Variants in HDHD5 observed in about 807,000 individuals in gnomAD.
HDHD5 encodes the protein haloacid dehalogenase like hydrolase domain containing 5, also known as haloacid dehalogenase-like hydrolase domain-containing 5.
HDHD5 carries 34 observed loss-of-function variants against 35.5 expected under a neutral mutation model. That is an observed-to-expected ratio of 0.96 (90% CI 0.73 to 1.28). The LOEUF (loss-of-function observed/expected upper bound fraction) is 1.28, where lower values mean the gene tolerates loss of function less well. Among genes scored for constraint, HDHD5 ranks in the 50% most tolerant of loss-of-function variants. The pLI, the probability that HDHD5 is intolerant of heterozygous loss-of-function variation, is 0.00. For synonymous variants in HDHD5, 248 were observed against 240.6 expected (o/e 1.03, Z -0.29); for missense variants, 589 against 560.2 (o/e 1.05, Z -0.52).
At chr22:17,153,285 C>T (rs921134559) in intron 1 of HDHD5, among the ~76,000 whole-genome samples, 17 of 152,200 alleles carry the variant, frequency 1.1e-4, no homozygotes, top group African/African-American at 4.1e-4. Context: ...AATTACCTGA[C>T]TGGACAAATA....
chr22:17,159,675 T>C (rs1481159722), upstream of HDHD5: 9 of 315,628 alleles, frequency 2.9e-5, no homozygotes, highest in Non-Finnish European at 3.7e-5. Context: ...GTTCAGGTCC[T>C]CTGGGCCCCT....
Position 17,141,054 on chromosome 22 carries a change from C to A in HDHD5, c.746+5G>T. 6.3e-7 allele frequency: 1 copy of A among 1,575,248 alleles called. No homozygotes were observed. Among genetic ancestry groups the A allele is most frequent in the Admixed American group, 1.9e-5 (1 of 53,172 alleles). On this transcript the variant is annotated splice_donor_5th_base_variant and intron_variant, in intron 6 of 7. Transcript: ENST00000336737. ...AGGCCAAGGCTGGGAGCTTTGTGTC[C>A]TCACCTGGGCATCTTGGCTTCAGCC...
Position 17,148,554 on chromosome 22 carries a change from C to T in HDHD5, c.337G>A (p.Ala113Thr). ...LSALLGCEVD[A>T]DQVILSHSPM... ...CTGTGAGAGAGGATAACTTGGTCTG[C>T]ATCCACCTGTAGGGACAGCCAAGAC... The change falls in exon 3 of 8, where the codon GCA becomes ACA. Residue 113 changes from alanine to threonine, a missense_variant. Physicochemically the swap from Ala to Thr is moderately conservative, Grantham distance 58. Transcript: ENST00000336737. The T allele has an allele frequency of 4.3e-6, 7 of 1,613,468 alleles. No individual in the cohort carries two copies. The highest frequency in any genetic ancestry group is 5.9e-6 in the Non-Finnish European group (7 of 1,179,454).
intron 1 of HDHD5, among the ~76,000 whole-genome samples, chr22:17,151,684 C>A (rs376060297): frequency 6.9e-6 from 1 of 144,250 alleles, no homozygotes; most frequent in Admixed American, 7.0e-5. Context: ...GAGCCGGGAT[C>A]GTGCCACTGC....
At chr22:17,160,579 G>A (rs1165940781), upstream of HDHD5, among the ~76,000 whole-genome samples, 2 of 151,472 alleles carry the variant, frequency 1.3e-5, no homozygotes, top group African/African-American at 4.9e-5. Context: ...AACCCAGGCA[G>A]CAGAAGTTGC....
chr22:17,138,591 C>A lies in HDHD5; in HGVS notation c.894G>T (p.Arg298Ser), dbSNP rs1277960329. ...TCCGGATGGGGGCGGCCCAGCCCCG[C>A]CTCTCCGCCTGTCGCCTGATCAGGT... ...AEDLIRRQAE[R>S]RGWAAPIRKL... Residue 298 changes from arginine (R) to serine (S), a missense_variant, in exon 7 of 8, where the codon AGG becomes AGT. Physicochemically the swap from Arg to Ser is moderately radical, Grantham distance 110 (BLOSUM62 -1). Coordinates refer to ENST00000336737, the MANE Select transcript of HDHD5 (RefSeq NM_033070.3). 2 of 1,614,196 alleles carry A rather than the reference C, an allele frequency of 1.2e-6. No individual in the cohort carries two copies. The highest frequency in any genetic ancestry group is 1.7e-4 in the Middle Eastern group (1 of 6,060).
chr22:17,155,959 G>C (rs2061784970), intron 1 of HDHD5, among the ~76,000 whole-genome samples: 2 of 152,134 alleles, frequency 1.3e-5, no homozygotes, highest in Admixed American at 6.6e-5. Context: ...TCCTTAAAAA[G>C]TCTGAAACAT....
chr22:17,155,995 T>C (rs777748270), intron 1 of HDHD5, among the ~76,000 whole-genome samples: 4 of 152,178 alleles, frequency 2.6e-5, no homozygotes, highest in Non-Finnish European at 5.9e-5. Context: ...AAGGTTTTCA[T>C]TACTAGAGAA....
At chr22:17,155,548 G>T (rs1333205097) in intron 1 of HDHD5, among the ~76,000 whole-genome samples, 4 of 151,942 alleles carry the variant, frequency 2.6e-5, no homozygotes, top group African/African-American at 9.7e-5. Context: ...CCCGGCCCAA[G>T]ATCTGCTTTC....
intron 6 of HDHD5, among the ~76,000 whole-genome samples, chr22:17,139,524 T>C (rs1025714501): frequency 7.2e-6 from 1 of 139,392 alleles, no homozygotes; most frequent in African/African-American, 2.6e-5. Context: ...CAAGACTCCA[T>C]CTAAAAAAAA....
At chr22:17,165,060 A>T in intron 1 of HDHD5, 2 of 663,380 alleles carry the variant, frequency 3.0e-6, no homozygotes, top group Non-Finnish European at 5.5e-6. Context: ...ATACACACTC[A>T]GTCTTGCTGA....
At chr22:17,147,714 A>T (rs2061680940) in intron 3 of HDHD5, among the ~76,000 whole-genome samples, 1 of 132,436 alleles carries the variant, frequency 7.6e-6, no homozygotes, top group Non-Finnish European at 1.6e-5. Flanking sequence ...CACACGCTCC[A>T]CACCTGTGGC....
intron 5 of HDHD5, chr22:17,142,805 G>T (rs1400031031): frequency 2.9e-6 from 1 of 341,022 alleles, no homozygotes; most frequent in Non-Finnish European, 5.3e-6. Context: ...AAAAAGGGGA[G>T]AACTGGGTTT....
chr22:17,159,234 A>G lies in HDHD5; in HGVS notation c.18T>C (p.Cys6=), dbSNP rs2061840949. ...CACGCGCCGCGCCGAGCGCAGCCAC[A>G]CAGCCCCACGCAGCCATCCGGCCGT... The part of the protein sequence containing the change: MAAWG[C]VAALGAARGL... The change falls in exon 1 of 8, where the codon TGT becomes TGC. Residue 6 remains cysteine (C), a synonymous_variant. Transcript: ENST00000336737. 3 of 1,196,256 alleles carry G rather than the reference A, an allele frequency of 2.5e-6. No individual in the cohort carries two copies. The highest frequency in any genetic ancestry group is 5.3e-5 in the South Asian group (2 of 37,660). 74.1% of individuals were successfully genotyped at this position (1,196,256 alleles called of 1,614,324 possible).
At chr22:17,159,298 C>CCCCCCGG, upstream of HDHD5, 1 of 1,224,428 alleles carries the variant, frequency 8.2e-7, no homozygotes, top group Non-Finnish European at 1.0e-6. Flanking sequence ...CCCCCCCCCC[C>CCCCCCGG]GCGAGTCCGT....
At chr22:17,156,335 G>T (rs1458424599) in intron 1 of HDHD5, among the ~76,000 whole-genome samples, 2 of 152,158 alleles carry the variant, frequency 1.3e-5, no homozygotes, top group African/African-American at 4.8e-5. Context: ...TTTTAAGGTA[G>T]GGCACTGTGG....
Position 17,148,467 on chromosome 22 carries a change from C to A in HDHD5, c.424G>T (p.Val142Leu), listed in dbSNP as rs193274952. 4 of 1,614,074 alleles carry A rather than the reference C, an allele frequency of 2.5e-6. No individual in the cohort carries two copies. Among genetic ancestry groups the A allele is most frequent in the South Asian group, 1.1e-5 (1 of 91,084 alleles). The change falls in exon 3 of 8, where the codon GTG (valine) becomes TTG (leucine). Residue 142 changes from valine (V) to leucine (L), a missense_variant. Coordinates refer to ENST00000336737, the MANE Select transcript of HDHD5 (RefSeq NM_033070.3). ...GGATACCCCTGGGCATTTTCCATCA[C>A]GGGCCCCTGTCCAGACACCAGCATC... ...KRMLVSGQGP[V>L]MENAQGLGFR...
In HDHD5 at chr22:17,159,143, C is replaced by T; in HGVS notation, c.109G>A (p.Ala37Thr). The change falls in exon 1 of 8, where the codon GCT becomes ACT. Residue 37 changes from alanine (A) to threonine (T), a missense_variant. By Grantham distance (58) the Ala-to-Thr change is moderately conservative (BLOSUM62 0). Coordinates refer to ENST00000336737, the MANE Select transcript of HDHD5 (RefSeq NM_033070.3). Reference protein sequence around the residue: ...LQGRPARRCYAVGPAQSPPTF... With the variant: ...LQGRPARRCYTVGPAQSPPTF... Reference sequence around the variant, plus strand: ...GTCCTCACCTGAGCGGGGCCCACAGCATAGCACCTGCGGGCGGGGCGGCCC... The same window carrying T: ...GTCCTCACCTGAGCGGGGCCCACAGTATAGCACCTGCGGGCGGGGCGGCCC... 2 of 1,234,864 alleles carry T rather than the reference C, an allele frequency of 1.6e-6. No individual in the cohort carries two copies. The highest frequency in any genetic ancestry group is 2.0e-6 in the Non-Finnish European group (2 of 987,600). 76.5% of individuals were successfully genotyped at this position (1,234,864 alleles called of 1,614,324 possible).
At chr22:17,145,237 C>G (rs1366418736) in intron 3 of HDHD5, 120 bp from the exon 4 acceptor site, 2 of 1,500,188 alleles carry the variant, frequency 1.3e-6, no homozygotes, top group African/African-American at 2.8e-5. Flanking sequence ...AGGAGGGCAC[C>G]AAGCAGAGCC....
Sources: allele counts gnomAD v4.1 joint callset (sites outside exome capture counted in the v4.1 genomes callset), GRCh38; gene constraint gnomAD v4.1.1; transcripts MANE v1.5; gene names NCBI Gene and HGNC (gene_info 2026-07-23, HGNC 2026-07-21).